Variants in CAP2 observed in about 807,000 individuals in gnomAD.
CAP2 encodes the protein adenylyl cyclase-associated protein 2.
Under a neutral mutation model 57.7 loss-of-function variants are expected in CAP2, and 24 were observed. The ratio of observed to expected loss-of-function variants is 0.42; its 90% CI spans 0.30 to 0.58. The LOEUF (loss-of-function observed/expected upper bound fraction) is 0.58. Among genes scored for constraint, CAP2 ranks in the 20% least tolerant of loss-of-function variants. CAP2 has a pLI of 0.22. For synonymous variants in CAP2, 194 were observed against 207.2 expected, an observed-to-expected ratio of 0.94 and a Z score of 0.55; for missense variants, 501 against 590.3, an observed-to-expected ratio of 0.85 and a Z score of 1.57.
chr6:17,474,427 C>T (rs1761098527), intron 4 of CAP2, among the ~76,000 whole-genome samples: 1 of 152,012 alleles, frequency 6.6e-6, no homozygotes, highest in African/African-American at 2.4e-5. Context: ...TAAGTAGTTG[C>T]TTCAGATCTT....
At chr6:17,469,270 C>T (rs73721584) in intron 4 of CAP2, among the ~76,000 whole-genome samples, 2,166 of 152,298 alleles carry the variant, frequency 0.014, 42 homozygotes, top group African/African-American at 0.045. Flanking sequence ...GAGAAGCACC[C>T]GGAGGGTGGA....
rs574171740 is a variant in CAP2 at position 17,433,485 on chromosome 6, G to A, written c.222+6795G>A. 6.6e-5 allele frequency among the ~76,000 whole-genome samples: 10 copies of A among 152,300 alleles called. No individual in the cohort carries two copies. The South Asian group carries it at 1.7e-3, about 25-fold the overall frequency. On this transcript the variant is annotated intron_variant, in intron 3 of 12. Coordinates refer to ENST00000229922, the MANE Select transcript of CAP2 (RefSeq NM_006366.3). The stretch of plus-strand genomic sequence containing the variant: ...CCTCCTTCCTCACTCCCTCTTTCTA[G>A]AAGAGGAGGATAGGTCTCCATGACC...
At chr6:17,460,321 C>T (rs1760686430) in intron 3 of CAP2, among the ~76,000 whole-genome samples, 1 of 151,928 alleles carries the variant, frequency 6.6e-6, no homozygotes, top group African/African-American at 2.4e-5. Flanking sequence ...ATAATGAATG[C>T]CTGGCCAGTT....
intron 4 of CAP2, chr6:17,493,604 CAG>C (rs1761595959): frequency 5.1e-6 from 1 of 195,150 alleles, no homozygotes; most frequent in Non-Finnish European, 1.1e-5. Flanking sequence ...AGGTGAGGAA[CAG>C]AGCATGTATA....
At chr6:17,547,773 A>G (rs754319859) in intron 11 of CAP2, among the ~76,000 whole-genome samples, 10 of 151,334 alleles carry the variant, frequency 6.6e-5, no homozygotes, top group Non-Finnish European at 1.2e-4. Context: ...CCCGGGAGGC[A>G]GAGCTTGCAG....
At chr6:17,438,442 T>G (rs1289557199) in intron 3 of CAP2, among the ~76,000 whole-genome samples, 1 of 126,892 alleles carries the variant, frequency 7.9e-6, no homozygotes, top group African/African-American at 3.5e-5. Flanking sequence ...TGTTTTTTTT[T>G]TTTTTTTTTT....
intron 2 of CAP2, 37 bp downstream of exon 2, chr6:17,421,713 G>A (rs1759452629): frequency 8.1e-6 from 13 of 1,611,910 alleles, no homozygotes; most frequent in Non-Finnish European, 1.1e-5. Context: ...TGGTCTTCTT[G>A]TGGGTTACTT....
intron 7 of CAP2, among the ~76,000 whole-genome samples, chr6:17,532,658 A>G (rs971359148): frequency 6.7e-6 from 1 of 148,400 alleles, no homozygotes; most frequent in Non-Finnish European, 1.5e-5. Context: ...GAGGCAGGAG[A>G]AATCACTTGA....
At chr6:17,420,096 T>C (rs1759396833) in intron 1 of CAP2, among the ~76,000 whole-genome samples, 1 of 152,006 alleles carries the variant, frequency 6.6e-6, no homozygotes, top group Non-Finnish European at 1.5e-5. Context: ...GGTCTCGAAC[T>C]CCTGACTTCG....
intron 3 of CAP2, among the ~76,000 whole-genome samples, chr6:17,438,576 C>T (rs1191247765): frequency 1.4e-5 from 2 of 144,290 alleles, no homozygotes; most frequent in African/African-American, 2.6e-5. Flanking sequence ...GTAGCTGGGA[C>T]TACAGGCGCC....
At position 17,510,889 on chromosome 6, in the gene CAP2, G is replaced by A. The variant is rs141420479; in HGVS notation, c.531-2960G>A. On this transcript the variant is annotated intron_variant, in intron 6 of 12. Coordinates refer to ENST00000229922, the MANE Select transcript of CAP2 (RefSeq NM_006366.3). ...TTAGTATCTCAGTTCATCAGCTCCT[G>A]TCCTTCTCCCAGTCCCTCCTTGAGT... 5.3e-5 allele frequency among the ~76,000 whole-genome samples: 8 copies of A among 152,306 alleles called. No individual in the cohort carries two copies. In the East Asian group the frequency reaches 1.5e-3, roughly 29 times the overall value.
At chr6:17,545,891 T>C (rs563196284) in intron 11 of CAP2, among the ~76,000 whole-genome samples, 4 of 152,334 alleles carry the variant, frequency 2.6e-5, no homozygotes, top group East Asian at 3.9e-4. Flanking sequence ...TTTATGGCTG[T>C]ATAGTATTCC....
intron 4 of CAP2, among the ~76,000 whole-genome samples, chr6:17,480,102 A>G (rs1160681992): frequency 6.6e-6 from 1 of 152,112 alleles, no homozygotes; most frequent in Non-Finnish European, 1.5e-5. Context: ...CTGTTGCTAC[A>G]AAACAAACCA....
In CAP2 at chr6:17,428,339, T is replaced by C. The variant is rs561305460; in HGVS notation, c.222+1649T>C. ...TTCATTTAGTGAAAATCGAATGTGA[T>C]AGCCAAACCAATTAAAAACATGAAA... On this transcript the variant is annotated intron_variant, in intron 3 of 12. Transcript: ENST00000229922. 1.2e-4 allele frequency among the ~76,000 whole-genome samples: 18 copies of C among 152,296 alleles called. 1 individual carries two copies. The South Asian group carries it at 3.7e-3, about 32-fold the overall frequency.
chr6:17,451,925 A>G (rs1020406390), intron 3 of CAP2, among the ~76,000 whole-genome samples: 2 of 152,244 alleles, frequency 1.3e-5, no homozygotes. Context: ...AAAATAGACA[A>G]TCCATATTTG....
rs1761235883 is a variant in CAP2 at position 17,479,589 on chromosome 6, A to G, written c.300+16516A>G. 2.6e-5 allele frequency among the ~76,000 whole-genome samples: 4 copies of G among 151,580 alleles called. No homozygotes were observed. In the South Asian group the frequency reaches 8.3e-4, roughly 32 times the overall value. ...GGTAGAAGAGAGAAAGGAAGAAGAG[A>G]AAAAGATCTGCTTTTTAATTTTTTT... is the stretch of plus-strand genomic sequence containing the variant. On this transcript the variant is annotated intron_variant, in intron 4 of 12. Transcript: ENST00000229922.
At chr6:17,412,215 C>T (rs1476173786) in intron 1 of CAP2, among the ~76,000 whole-genome samples, 1 of 152,126 alleles carries the variant, frequency 6.6e-6, no homozygotes, top group Non-Finnish European at 1.5e-5. Context: ...GGCCCAGTGC[C>T]ATGGACAGCT....
At position 17,406,799 on chromosome 6, in the gene CAP2, C is replaced by T. The variant is rs144505148; in HGVS notation, c.-2+13053C>T. Among the ~76,000 whole-genome samples, 32 of 152,226 alleles carry T rather than the reference C, an allele frequency of 2.1e-4. No individual in the cohort carries two copies. The Middle Eastern group carries it at 0.017, about 81-fold the overall frequency. The stretch of plus-strand genomic sequence containing the variant: ...TTGGGAGAGAAAAATGCAAACAAAA[C>T]CCAAAACCTGGGCTTGCCTCACACT... On this transcript the variant is annotated intron_variant, in intron 1 of 12. Transcript: ENST00000229922.
intron 7 of CAP2, among the ~76,000 whole-genome samples, chr6:17,527,125 C>G (rs1459865632): frequency 6.6e-6 from 1 of 152,076 alleles, no homozygotes; most frequent in Non-Finnish European, 1.5e-5. Flanking sequence ...TGCCTTAACC[C>G]CCACCTCTAC....
Sources: allele counts gnomAD v4.1 joint callset (sites outside exome capture counted in the v4.1 genomes callset), GRCh38; gene constraint gnomAD v4.1.1; transcripts MANE v1.5; gene names NCBI Gene and HGNC (gene_info 2026-07-23, HGNC 2026-07-21).